NXPH1: variants seen among roughly 807,000 people sequenced by gnomAD.
NXPH1 encodes neurexophilin-1.
NXPH1 carries 5 observed loss-of-function variants against 23.7 expected under a neutral mutation model. The observed-to-expected ratio is 0.21, with a 90% CI of 0.11 to 0.44. The LOEUF (loss-of-function observed/expected upper bound fraction) is 0.44. Ranked by LOEUF, NXPH1 falls within the 20% of genes least tolerant of loss-of-function variation. The pLI, the probability that NXPH1 is intolerant of heterozygous loss-of-function variation, is 0.99. For missense variants in NXPH1, 324 were observed against 321.6 expected, an observed-to-expected ratio of 1.01 and a Z score of -0.06; for synonymous variants, 144 against 122.2, an observed-to-expected ratio of 1.18 and a Z score of -1.18.
rs112430547 is a variant in NXPH1 at position 8,517,498 on chromosome 7, A to T, written c.54+81731A>T. 1.3e-3 allele frequency among the ~76,000 whole-genome samples: 199 copies of T among 152,140 alleles called. 1 individual carries two copies. The highest frequency in any genetic ancestry group is 1.9e-3 in the Non-Finnish European group (132 of 67,978). On this transcript the variant is annotated intron_variant, in intron 2 of 2. Coordinates refer to ENST00000405863, the MANE Select transcript of NXPH1 (RefSeq NM_152745.3). ...GGGGAGCCCATCTCCTAGGTAGGGG[A>T]GTAAGAAGTGGAGTCTGGAGTGATC...
intron 2 of NXPH1, among the ~76,000 whole-genome samples, chr7:8,539,948 C>T (rs1022438411): frequency 7.3e-5 from 11 of 151,636 alleles, no homozygotes; most frequent in Non-Finnish European, 1.5e-4. Context: ...TGAATATGTG[C>T]AAGACAGTAA....
chr7:8,459,839 A>G (rs6969618), intron 2 of NXPH1, among the ~76,000 whole-genome samples: 11,933 of 152,260 alleles, frequency 0.078, 1,373 homozygotes, highest in African/African-American at 0.25. Context: ...TGCAATAAAT[A>G]TTTGTTGCAC....
intron 2 of NXPH1, among the ~76,000 whole-genome samples, chr7:8,562,446 G>A (rs1320038884): frequency 6.6e-6 from 1 of 151,510 alleles, no homozygotes; most frequent in Admixed American, 6.6e-5. Context: ...TTTCCTTGAA[G>A]CAACTGATTA....
rs11982303 is a variant in NXPH1, at chr7:8,676,136, G to C, written c.55-74872G>C. Reference sequence around the variant, plus strand: ...TGGGAATTAACATTTCAATGCAGTTGCTGCTGTACTTTACACACAGCCTTG... The same window carrying C: ...TGGGAATTAACATTTCAATGCAGTTCCTGCTGTACTTTACACACAGCCTTG... On this transcript the variant is annotated intron_variant, in intron 2 of 2. Coordinates refer to ENST00000405863, the MANE Select transcript of NXPH1 (RefSeq NM_152745.3). Among the ~76,000 whole-genome samples the C allele has an allele frequency of 5.6e-3, 850 of 152,276 alleles. 5 individuals are homozygous for C. The highest frequency in any genetic ancestry group is 0.02 in the African/African-American group (814 of 41,554).
At chr7:8,493,078 A>G (rs919238661) in intron 2 of NXPH1, among the ~76,000 whole-genome samples, 5 of 151,978 alleles carry the variant, frequency 3.3e-5, no homozygotes, top group African/African-American at 1.2e-4. Context: ...GTGATGAATA[A>G]TCCACTCTCC....
At chr7:8,553,617 T>C (rs545502351) in intron 2 of NXPH1, among the ~76,000 whole-genome samples, 2 of 151,662 alleles carry the variant, frequency 1.3e-5, no homozygotes, top group African/African-American at 2.4e-5. Context: ...GGGTAATAGT[T>C]TAGAATATAT....
chr7:8,639,847 G>A (rs1820279374), intron 2 of NXPH1, among the ~76,000 whole-genome samples: 3 of 152,164 alleles, frequency 2.0e-5, no homozygotes, highest in South Asian at 4.2e-4. Context: ...AGTGCCTTTC[G>A]CCTTCACCAT....
intron 2 of NXPH1, among the ~76,000 whole-genome samples, chr7:8,503,916 C>G (rs1033678626): frequency 2.0e-5 from 3 of 151,996 alleles, no homozygotes; most frequent in Non-Finnish European, 4.4e-5. Flanking sequence ...AGACTATTCC[C>G]TCAGTTCAGC....
rs1318563534 is a variant in NXPH1 at position 8,751,927 on chromosome 7, G to A, written c.*158G>A. ...ATACACTAGTGGAAAACACTCTGAT[G>A]TAATTTCTGCCCAGTCAGCTTCATC... On this transcript the variant is annotated 3_prime_UTR_variant, in exon 3 of 3. Transcript: ENST00000405863. The surrounding 1 kb of genome is among the most constrained non-coding windows in gnomAD (Gnocchi z 4.5). The A allele has an allele frequency of 4.5e-6, 3 of 662,822 alleles. No homozygotes were observed. The East Asian group carries it at 8.2e-5, about 18-fold the overall frequency. 41.1% of individuals were successfully genotyped at this position (662,822 alleles called of 1,614,324 possible).
At chr7:8,561,638 C>T (rs933955605) in intron 2 of NXPH1, among the ~76,000 whole-genome samples, 1 of 151,562 alleles carries the variant, frequency 6.6e-6, no homozygotes, top group African/African-American at 2.4e-5. Context: ...TTGAGGCTGA[C>T]TTTTCTGCTA....
chr7:8,669,074 G>C (rs1820826161), intron 2 of NXPH1, among the ~76,000 whole-genome samples: 3 of 152,214 alleles, frequency 2.0e-5, no homozygotes, highest in African/African-American at 7.2e-5. Flanking sequence ...CCTGGAGCTT[G>C]AGTATGTTCC....
At chr7:8,572,103 A>G (rs1818661321) in intron 2 of NXPH1, among the ~76,000 whole-genome samples, 1 of 151,958 alleles carries the variant, frequency 6.6e-6, no homozygotes, top group Admixed American at 6.6e-5. Flanking sequence ...ATGAACACAA[A>G]TAATTTTTTA....
At position 8,588,462 on chromosome 7, in the gene NXPH1, A is replaced by G. The variant is rs898499099; in HGVS notation, c.54+152695A>G. On this transcript the variant is annotated intron_variant, in intron 2 of 2. Coordinates refer to ENST00000405863, the MANE Select transcript of NXPH1 (RefSeq NM_152745.3). ...AAGTTGTGTCCCAGGACAGTGAAAA[A>G]AAAATGGAATGGAATCTCTGCTTAT... 2.0e-3 allele frequency among the ~76,000 whole-genome samples: 310 copies of G among 151,948 alleles called. 1 individual carries two copies. The highest frequency in any genetic ancestry group is 3.5e-3 in the Non-Finnish European group (238 of 67,984).
intron 2 of NXPH1, among the ~76,000 whole-genome samples, chr7:8,514,407 T>A (rs1817657687): frequency 6.6e-6 from 1 of 152,150 alleles, no homozygotes; most frequent in Non-Finnish European, 1.5e-5. Flanking sequence ...GTGACATCCT[T>A]GAAGTTGCAC....
intron 2 of NXPH1, among the ~76,000 whole-genome samples, chr7:8,568,108 C>A (rs528454901): frequency 6.6e-6 from 1 of 151,962 alleles, no homozygotes; most frequent in East Asian, 2.0e-4. Context: ...CTAAGTCCTT[C>A]AAATACAGGT....
chr7:8,598,291 G>A (rs1819273820), intron 2 of NXPH1, among the ~76,000 whole-genome samples: 1 of 152,106 alleles, frequency 6.6e-6, no homozygotes, highest in African/African-American at 2.4e-5. Flanking sequence ...AAGCCAGTAG[G>A]CCTGCATGGC....
chr7:8,552,942 T>C (rs559722155), intron 2 of NXPH1, among the ~76,000 whole-genome samples: 51 of 151,630 alleles, frequency 3.4e-4, no homozygotes, highest in African/African-American at 1.1e-3. Flanking sequence ...TATTGAAAAG[T>C]AGTAAAGATC....
At chr7:8,523,099 A>T (rs149940201) in intron 2 of NXPH1, among the ~76,000 whole-genome samples, 1 of 152,352 alleles carries the variant, frequency 6.6e-6, no homozygotes, top group Non-Finnish European at 1.5e-5. Context: ...AGAAGATAAC[A>T]GGCATGCAAA....
intron 2 of NXPH1, among the ~76,000 whole-genome samples, chr7:8,592,364 G>A (rs778342188): frequency 2.0e-5 from 3 of 151,932 alleles, no homozygotes; most frequent in Non-Finnish European, 4.4e-5. Flanking sequence ...TGCATGACAG[G>A]TTTATGTGCA....
Sources: allele counts gnomAD v4.1 joint callset (sites outside exome capture counted in the v4.1 genomes callset), GRCh38; gene constraint gnomAD v4.1.1; non-coding constraint Gnocchi (gnomAD v3.1); transcripts MANE v1.5; gene names NCBI Gene and HGNC (gene_info 2026-07-23, HGNC 2026-07-21).